Variants in SLCO3A1 observed in about 807,000 individuals in gnomAD.
SLCO3A1 encodes solute carrier organic anion transporter family member 3A1.
Under a neutral mutation model 63.1 loss-of-function variants are expected in SLCO3A1, and 27 were observed. That is an observed-to-expected ratio of 0.43 (90% CI 0.32 to 0.59). The LOEUF (loss-of-function observed/expected upper bound fraction) is 0.59, where lower values mean the gene tolerates loss of function less well. Ranked by LOEUF, SLCO3A1 falls within the 20% of genes least tolerant of loss-of-function variation. The pLI, the probability that SLCO3A1 is intolerant of heterozygous loss-of-function variation, is 0.09. For missense variants in SLCO3A1, 773 were observed against 945.8 expected (o/e 0.82, Z 2.40); for synonymous variants, 473 against 409.9 (o/e 1.15, Z -1.86).
intron 2 of SLCO3A1, among the ~76,000 whole-genome samples, chr15:91,926,610 C>CGCGCGCG (rs1555450210): frequency 3.5e-5 from 4 of 114,420 alleles, no homozygotes; most frequent in African/African-American, 1.3e-4. Flanking sequence ...CGCGCGCACG[C>CGCGCGCG]CCATGCTTAT....
At chr15:92,035,942 T>C (rs2046720164) in intron 2 of SLCO3A1, among the ~76,000 whole-genome samples, 1 of 149,514 alleles carries the variant, frequency 6.7e-6, no homozygotes, top group African/African-American at 2.4e-5. Context: ...AGGGGTCTCA[T>C]GCACTGCCTA....
chr15:92,016,257 G>GAT (rs2046432907), intron 2 of SLCO3A1, among the ~76,000 whole-genome samples: 1 of 98,134 alleles, frequency 1.0e-5, no homozygotes, highest in Non-Finnish European at 1.8e-5. Context: ...AGATAGATTA[G>GAT]ATAGATAGAT....
In SLCO3A1 at chr15:91,859,792, T is replaced by C. The variant is rs914613940; in HGVS notation, c.180+5704T>C. Among the ~76,000 whole-genome samples the C allele has an allele frequency of 1.3e-5, 2 of 152,198 alleles. No individual in the cohort carries two copies. Among genetic ancestry groups the C allele is most frequent in the Admixed American group, 1.3e-4 (2 of 15,276 alleles). On this transcript the variant is annotated intron_variant, in intron 1 of 9. Transcript: ENST00000318445. The surrounding 1 kb of genome is among the most constrained non-coding windows in gnomAD (Gnocchi z 5.1). ...GCCCAGGAAATATTAGCTATTACTA[T>C]TAATAATAATATGGTTATGCATATT... is the stretch of plus-strand genomic sequence containing the variant.
At chr15:91,963,409 G>T (rs868479070) in intron 2 of SLCO3A1, among the ~76,000 whole-genome samples, 639 of 41,542 alleles carry the variant, frequency 0.015, 4 homozygotes, top group Middle Eastern at 0.061. Context: ...CGGGGAGGGT[G>T]GGGGGGGGGG....
intron 2 of SLCO3A1, among the ~76,000 whole-genome samples, chr15:92,053,033 C>T (rs996011796): frequency 6.6e-6 from 1 of 152,290 alleles, no homozygotes; most frequent in East Asian, 1.9e-4. Context: ...GCCCTTTTAT[C>T]TAACAGCCCT....
intron 2 of SLCO3A1, among the ~76,000 whole-genome samples, chr15:91,937,921 A>T (rs1399190934): frequency 6.6e-6 from 1 of 152,138 alleles, no homozygotes; most frequent in African/African-American, 2.4e-5. Context: ...TAAATTTTGG[A>T]GGCGGTATCT....
chr15:92,133,140 C>T lies in SLCO3A1; in HGVS notation c.1512+4651C>T, dbSNP rs907205045. Reference sequence around the variant, plus strand: ...CTGGGCTCTCCCCACCAGATGCCACCCCTGCCCTCCCCAGCCACAAGTTCC... The same window carrying T: ...CTGGGCTCTCCCCACCAGATGCCACTCCTGCCCTCCCCAGCCACAAGTTCC... On this transcript the variant is annotated intron_variant, in intron 7 of 9. Transcript: ENST00000318445. Among the ~76,000 whole-genome samples the T allele has an allele frequency of 4.1e-4, 60 of 145,774 alleles. 6 individuals are homozygous for T. Among genetic ancestry groups the T allele is most frequent in the African/African-American group, 1.5e-3 (60 of 40,166 alleles).
At position 92,133,076 on chromosome 15, in the gene SLCO3A1, T is replaced by C. The variant is rs911114557; in HGVS notation, c.1512+4587T>C. Among the ~76,000 whole-genome samples, 10 of 145,982 alleles carry C rather than the reference T, an allele frequency of 6.9e-5. 2 individuals carry two copies. The highest frequency in any genetic ancestry group is 1.5e-5 in the Non-Finnish European group (1 of 65,122). ...TTTTGGGCCAGATAATGGATTGTCATGAGGCGCTGCCCTATGCACTGTGTT... is the reference window on the plus strand; with the variant it reads ...TTTTGGGCCAGATAATGGATTGTCACGAGGCGCTGCCCTATGCACTGTGTT... On this transcript the variant is annotated intron_variant, in intron 7 of 9. Coordinates refer to ENST00000318445, the MANE Select transcript of SLCO3A1 (RefSeq NM_013272.4).
downstream of SLCO3A1, chr15:92,165,999 G>A: frequency 3.3e-6 from 2 of 599,910 alleles, no homozygotes; most frequent in South Asian, 1.5e-4. Context: ...GAAATTGACA[G>A]ATCTTTGTAA....
intron 2 of SLCO3A1, among the ~76,000 whole-genome samples, chr15:92,015,854 G>T (rs555441076): frequency 6.6e-6 from 1 of 152,136 alleles, no homozygotes; most frequent in South Asian, 2.1e-4. Context: ...AGAAACAGGG[G>T]CCAAGAAGAA....
intron 2 of SLCO3A1, among the ~76,000 whole-genome samples, chr15:92,031,031 G>A (rs988776957): frequency 6.8e-6 from 1 of 146,744 alleles, no homozygotes; most frequent in African/African-American, 2.5e-5. Context: ...AGGGAGGGAG[G>A]GAGGGAGGGA....
intron 4 of SLCO3A1, 54 bp from the exon 5 acceptor site, chr15:92,120,411 G>A: frequency 1.3e-6 from 2 of 1,566,720 alleles, no homozygotes; most frequent in South Asian, 1.1e-5. Flanking sequence ...GCTATAAGAT[G>A]GGAGCACAGG....
intron 2 of SLCO3A1, among the ~76,000 whole-genome samples, chr15:92,051,863 A>G (rs996047770): frequency 6.6e-6 from 1 of 152,196 alleles, no homozygotes; most frequent in Non-Finnish European, 1.5e-5. Context: ...GATGAGGGTT[A>G]GATGCTCTTT....
intron 1 of SLCO3A1, among the ~76,000 whole-genome samples, chr15:91,881,939 C>T (rs893719653): frequency 3.9e-5 from 6 of 152,140 alleles, no homozygotes; most frequent in Non-Finnish European, 8.8e-5. Flanking sequence ...CCCCTCTCTT[C>T]GGGTCTCTTT....
chr15:92,048,001 T>C (rs1196311430), intron 2 of SLCO3A1, among the ~76,000 whole-genome samples: 1 of 151,932 alleles, frequency 6.6e-6, no homozygotes, highest in Non-Finnish European at 1.5e-5. Context: ...AACTACAGGG[T>C]CTGCTGTTGC....
rs2141835336 is a variant in SLCO3A1, at chr15:91,859,092, A to G, written c.180+5004A>G. Among the ~76,000 whole-genome samples the G allele has an allele frequency of 6.6e-6, 1 of 152,334 alleles. No homozygotes were observed. The highest frequency in any genetic ancestry group is 1.9e-4 in the East Asian group (1 of 5,186). ...TTCTGTACATTGCCGCATGCATTGC[A>G]TATTTACATACGTGTTTGTGTACAG... On this transcript the variant is annotated intron_variant, in intron 1 of 9. Transcript: ENST00000318445. This position sits in a 1 kb window ranked among gnomAD's most constrained non-coding sequence, Gnocchi z 5.1.
rs192689421 is a variant in SLCO3A1, at chr15:92,036,648, A to G, written c.647-58233A>G. On this transcript the variant is annotated intron_variant, in intron 2 of 9. Coordinates refer to ENST00000318445, the MANE Select transcript of SLCO3A1 (RefSeq NM_013272.4). ...CTGAGTTCTAGCTTTGCTGCTATCC[A>G]ATTAAATTTGCCTTCCTGGGCTGCA... Among the ~76,000 whole-genome samples the G allele has an allele frequency of 9.1e-4, 139 of 152,242 alleles. 1 individual carries two copies. Among genetic ancestry groups the G allele is most frequent in the African/African-American group, 3.3e-3 (138 of 41,560 alleles).
intron 2 of SLCO3A1, among the ~76,000 whole-genome samples, chr15:92,077,715 C>G (rs553114052): frequency 1.3e-5 from 2 of 152,304 alleles, no homozygotes; most frequent in South Asian, 2.1e-4. Context: ...CCCTCAGGAC[C>G]CTGGGCTTCC....
chr15:91,993,045 C>A (rs920740841), intron 2 of SLCO3A1, among the ~76,000 whole-genome samples: 2 of 152,158 alleles, frequency 1.3e-5, no homozygotes, highest in Non-Finnish European at 1.5e-5. Flanking sequence ...ACCTTTCTGG[C>A]GTGTGTCTAG....
Sources: gnomAD v4.1 joint callset for allele counts (sites outside exome capture counted in the v4.1 genomes callset) on GRCh38, gnomAD v4.1.1 for gene constraint, Gnocchi (gnomAD v3.1) non-coding constraint, MANE v1.5 for transcripts, NCBI Gene and HGNC (gene_info 2026-07-23, HGNC 2026-07-21) for gene names.